The following CLMP variants were observed in gnomAD, a reference collection of about 807,000 sequenced individuals.
CLMP encodes CXADR-like membrane protein.
A neutral mutation model predicts 45.2 loss-of-function variants in CLMP; 27 were observed. The ratio of observed to expected loss-of-function variants is 0.60; its 90% CI spans 0.44 to 0.82. CLMP has a LOEUF of 0.82. Among genes scored for constraint, CLMP ranks in the 40% least tolerant of loss-of-function variants. The pLI, the probability that CLMP is intolerant of heterozygous loss-of-function variation, is 0.00. For missense variants in CLMP, 403 were observed against 448.4 expected (o/e 0.90, Z 0.91); for synonymous variants, 167 against 171.4 (o/e 0.97, Z 0.20).
At chr11:123,136,428 G>A (rs531541450) in intron 1 of CLMP, 3 of 337,054 alleles carry the variant, frequency 8.9e-6, no homozygotes, top group African/African-American at 4.0e-5. Flanking sequence ...CCCCCACCCC[G>A]CCCTCCTTGT....
At chr11:123,166,168 C>T (rs1046429670) in intron 1 of CLMP, among the ~76,000 whole-genome samples, 3 of 152,180 alleles carry the variant, frequency 2.0e-5, no homozygotes, top group Admixed American at 2.0e-4. Context: ...TCATACCTCG[C>T]AGGCCTGAAG....
intron 2 of CLMP, among the ~76,000 whole-genome samples, chr11:123,092,422 C>T (rs1224839613): frequency 3.3e-5 from 5 of 151,960 alleles, no homozygotes; most frequent in Non-Finnish European, 4.4e-5. Context: ...CTCAGCCTCT[C>T]GAGTAGCTGG....
At chr11:123,123,289 T>C (rs1480526389) in intron 1 of CLMP, among the ~76,000 whole-genome samples, 2 of 147,658 alleles carry the variant, frequency 1.4e-5, no homozygotes, top group Non-Finnish European at 3.0e-5. Flanking sequence ...AGACAGAGTC[T>C]TGCTCTGTCA....
Position 123,071,149 on chromosome 11 carries a change from C to G in CLMP, c.*2325G>C, listed in dbSNP as rs1865667029. 1 of 152,110 alleles carries G rather than the reference C, an allele frequency of 6.6e-6. No individual in the cohort carries two copies. The highest frequency in any genetic ancestry group is 2.4e-5 in the African/African-American group (1 of 41,414). 9.4% of individuals were successfully genotyped at this position (152,110 alleles called of 1,614,324 possible). On this transcript the variant is annotated 3_prime_UTR_variant, in exon 7 of 7. Transcript: ENST00000448775. ...ACCTGCTCTTCTTTTAAAAAGTATT[C>G]TGGGCCGGGCATGGTGGCTCACACC...
intron 1 of CLMP, among the ~76,000 whole-genome samples, chr11:123,184,932 C>T (rs936268548): frequency 6.6e-6 from 1 of 152,140 alleles, no homozygotes; most frequent in African/African-American, 2.4e-5. Context: ...ACAGAGAACC[C>T]CAAACTGTAC....
At chr11:123,115,786 A>G (rs1204085360) in intron 1 of CLMP, among the ~76,000 whole-genome samples, 4 of 152,058 alleles carry the variant, frequency 2.6e-5, no homozygotes, top group Admixed American at 6.6e-5. Context: ...TGTATATTAT[A>G]TTTTATATTA....
intron 1 of CLMP, among the ~76,000 whole-genome samples, chr11:123,145,807 G>A (rs1341731719): frequency 6.6e-6 from 1 of 152,176 alleles, no homozygotes; most frequent in African/African-American, 2.4e-5. Flanking sequence ...GCTCCTCACT[G>A]TGTAAGGCTG....
chr11:123,094,771 CCTTTCTAA>C (rs1479880919), intron 2 of CLMP, among the ~76,000 whole-genome samples: 1 of 152,050 alleles, frequency 6.6e-6, no homozygotes, highest in Non-Finnish European at 1.5e-5. Flanking sequence ...TTTGTTCCTA[CCTTTCTAA>C]CTACCCCTTC....
intron 1 of CLMP, among the ~76,000 whole-genome samples, chr11:123,157,793 G>A (rs886253064): frequency 8.6e-5 from 13 of 151,034 alleles, no homozygotes; most frequent in African/African-American, 2.7e-4. Context: ...GGTTCACGGC[G>A]TGTAAGTAAC....
At chr11:123,104,533 C>T (rs1055097679) in intron 1 of CLMP, among the ~76,000 whole-genome samples, 1 of 151,858 alleles carries the variant, frequency 6.6e-6, no homozygotes, top group African/African-American at 2.4e-5. Flanking sequence ...TACAGGCAGG[C>T]GCCACCATGC....
intron 5 of CLMP, among the ~76,000 whole-genome samples, chr11:123,077,770 T>C (rs1865757199): frequency 6.6e-6 from 1 of 152,302 alleles, no homozygotes; most frequent in Non-Finnish European, 1.5e-5. Context: ...CTAGATGGAT[T>C]GTCTGTTAAT....
intron 1 of CLMP, among the ~76,000 whole-genome samples, chr11:123,155,997 T>C (rs909620429): frequency 1.3e-5 from 2 of 152,208 alleles, no homozygotes; most frequent in Non-Finnish European, 2.9e-5. Flanking sequence ...TGAGTGTTTA[T>C]GTCCCCCCAA....
rs1183713514 is a variant in CLMP at position 123,131,601 on chromosome 11, CTTTCTTTTTTCT to C, written c.29-33661_29-33650del. Among the ~76,000 whole-genome samples the C allele has an allele frequency of 2.0e-5, 3 of 148,608 alleles. No individual in the cohort carries two copies. In the Admixed American group the frequency reaches 2.1e-4, roughly 10 times the overall value. On this transcript the variant is annotated intron_variant, in intron 1 of 6. Coordinates refer to ENST00000448775, the MANE Select transcript of CLMP (RefSeq NM_024769.5). ...CTGATTCTGACCTTAATCTATCTTT[CTTTCTTTTTTCT>C]TTTCTTTTCTATTTTTTTTGAAATG...
intron 1 of CLMP, among the ~76,000 whole-genome samples, chr11:123,129,627 AATATATAT>A (rs1860956662): frequency 7.1e-6 from 1 of 141,698 alleles, no homozygotes; most frequent in African/African-American, 2.6e-5. Flanking sequence ...TATATAATAT[AATATATAT>A]TATATGATAT....
chr11:123,145,603 C>CA (rs1160254940), intron 1 of CLMP, among the ~76,000 whole-genome samples: 1 of 152,090 alleles, frequency 6.6e-6, no homozygotes, highest in Admixed American at 6.6e-5. Context: ...GCTGGGCCTA[C>CA]AGGTGCCCGC....
At chr11:123,106,084 G>C (rs1860542082) in intron 1 of CLMP, among the ~76,000 whole-genome samples, 2 of 151,936 alleles carry the variant, frequency 1.3e-5, no homozygotes, top group Non-Finnish European at 2.9e-5. Flanking sequence ...CTGAAGTGCT[G>C]GAATTACAGC....
At chr11:123,152,866 T>C (rs1194501359) in intron 1 of CLMP, among the ~76,000 whole-genome samples, 1 of 152,186 alleles carries the variant, frequency 6.6e-6, no homozygotes, top group Non-Finnish European at 1.5e-5. Context: ...ATATCATATA[T>C]GTCCCAAACA....
chr11:123,110,136 G>A (rs1346661130), intron 1 of CLMP, among the ~76,000 whole-genome samples: 1 of 152,118 alleles, frequency 6.6e-6, no homozygotes, highest in African/African-American at 2.4e-5. Flanking sequence ...TCCCTCCAAA[G>A]GGGATATTTC....
rs1381630552 is a variant in CLMP at position 123,195,051 on chromosome 11, G to T, written c.-111C>A. On this transcript the variant is annotated 5_prime_UTR_variant, in exon 1 of 7. Transcript: ENST00000448775. ...CTGGGCGCGGCGCCTCGGGGTGCGC[G>T]CGAGGTGGCTGCAGCCATGTGCCGG... The T allele has an allele frequency of 2.8e-6, 3 of 1,067,286 alleles. No individual in the cohort carries two copies. Among genetic ancestry groups the T allele is most frequent in the Non-Finnish European group, 2.6e-6 (2 of 779,012 alleles). 66.1% of individuals were successfully genotyped at this position (1,067,286 alleles called of 1,614,324 possible). A position where few individuals can be genotyped will look rare whatever the true frequency, so the allele number is the denominator to read the frequency against.
Sources: gnomAD v4.1 joint callset for allele counts (sites outside exome capture counted in the v4.1 genomes callset) on GRCh38, gnomAD v4.1.1 for gene constraint, MANE v1.5 for transcripts, NCBI Gene and HGNC (gene_info 2026-07-23, HGNC 2026-07-21) for gene names.